DEPTOR: variants seen among roughly 807,000 people sequenced by gnomAD.
DEPTOR encodes the protein DEP domain-containing mTOR-interacting protein.
A neutral mutation model predicts 41.6 loss-of-function variants in DEPTOR; 41 were observed. The observed-to-expected ratio is 0.98, with a 90% CI of 0.77 to 1.28. The LOEUF (loss-of-function observed/expected upper bound fraction) is 1.28. Ranked by LOEUF, DEPTOR falls within the 50% of genes most tolerant of loss-of-function variation. The pLI, the probability that DEPTOR is intolerant of heterozygous loss-of-function variation, is 0.00. For synonymous variants in DEPTOR, 195 were observed against 192.3 expected (o/e 1.01, Z -0.12); for missense variants, 514 against 527.9 (o/e 0.97, Z 0.26).
At chr8:119,962,086 C>CA (rs772605916) in intron 3 of DEPTOR, among the ~76,000 whole-genome samples, 4,077 of 48,216 alleles carry the variant, frequency 0.085, 114 homozygotes, top group African/African-American at 0.12. Flanking sequence ...ACTAAAAATA[C>CA]AAAAAAAAAA....
intron 3 of DEPTOR, among the ~76,000 whole-genome samples, chr8:119,930,478 C>G (rs1828027513): frequency 2.6e-5 from 4 of 152,160 alleles, no homozygotes; most frequent in Non-Finnish European, 5.9e-5. Flanking sequence ...CTCAGGTGAT[C>G]TACCAACTTC....
intron 8 of DEPTOR, among the ~76,000 whole-genome samples, chr8:120,013,136 G>A (rs956055005): frequency 2.1e-5 from 3 of 140,906 alleles, no homozygotes; most frequent in African/African-American, 7.9e-5. Flanking sequence ...CAGCCTGGGT[G>A]ACAGAGCGAG....
intron 1 of DEPTOR, among the ~76,000 whole-genome samples, chr8:119,926,332 A>T (rs930737730): frequency 6.6e-6 from 1 of 152,154 alleles, no homozygotes; most frequent in Non-Finnish European, 1.5e-5. Flanking sequence ...TAGAAGAGGA[A>T]GCCCTAAGGA....
At chr8:120,047,517 G>A (rs1332279212) in intron 8 of DEPTOR, among the ~76,000 whole-genome samples, 3 of 151,582 alleles carry the variant, frequency 2.0e-5, no homozygotes, top group Admixed American at 6.6e-5. Context: ...ACAGGCATCC[G>A]CCACCACGCC....
At chr8:119,984,438 G>GCC (rs1828804655) in intron 4 of DEPTOR, among the ~76,000 whole-genome samples, 1 of 151,840 alleles carries the variant, frequency 6.6e-6, no homozygotes, top group Non-Finnish European at 1.5e-5. Flanking sequence ...CCACCAACAG[G>GCC]CCCCAGTGTG....
intron 1 of DEPTOR, among the ~76,000 whole-genome samples, chr8:119,902,220 A>G (rs1354471758): frequency 2.6e-5 from 4 of 152,244 alleles, no homozygotes; most frequent in Non-Finnish European, 5.9e-5. Context: ...AGATGGGTAT[A>G]CAATAGACAA....
chr8:119,930,026 G>C (rs1828021220), intron 3 of DEPTOR, 88 bp downstream of exon 3: 4 of 1,456,948 alleles, frequency 2.7e-6, no homozygotes, highest in Admixed American at 2.2e-5. Flanking sequence ...TTTCAGCGTG[G>C]CTTTTCTATG....
At chr8:120,000,804 G>A (rs1181513294) in intron 4 of DEPTOR, among the ~76,000 whole-genome samples, 5 of 151,914 alleles carry the variant, frequency 3.3e-5, no homozygotes, top group Non-Finnish European at 5.9e-5. Flanking sequence ...GGGGCTGGGT[G>A]TGGTGGCTCA....
intron 4 of DEPTOR, among the ~76,000 whole-genome samples, chr8:119,971,101 A>G (rs533564555): frequency 1.2e-4 from 18 of 152,158 alleles, no homozygotes; most frequent in Admixed American, 5.9e-4. Context: ...GCATGGTGGC[A>G]GGCGCTTTGC....
chr8:119,904,014 A>G (rs7461170), intron 1 of DEPTOR, among the ~76,000 whole-genome samples: 108,615 of 151,928 alleles, frequency 0.71, 39,328 homozygotes, highest in East Asian at 0.95. Flanking sequence ...TTGAGCCTGA[A>G]CACTCTTCCC....
intron 1 of DEPTOR, among the ~76,000 whole-genome samples, chr8:119,884,871 G>T (rs951091316): frequency 2.6e-5 from 4 of 151,882 alleles, no homozygotes; most frequent in Admixed American, 6.6e-5. Flanking sequence ...CGCTTCTAAG[G>T]TTCAAGCAAT....
chr8:119,995,137 ATCT>A (rs1390585100), intron 4 of DEPTOR, among the ~76,000 whole-genome samples: 1 of 152,134 alleles, frequency 6.6e-6, no homozygotes, highest in Non-Finnish European at 1.5e-5. Context: ...GCCATGCCAT[ATCT>A]CTTACATAAA....
intron 6 of DEPTOR, among the ~76,000 whole-genome samples, chr8:120,006,417 A>T (rs1417693761): frequency 2.6e-5 from 4 of 151,850 alleles, no homozygotes; most frequent in Non-Finnish European, 5.9e-5. Context: ...CCAGCTACTC[A>T]GGAGGCTGAG....
intron 8 of DEPTOR, among the ~76,000 whole-genome samples, chr8:120,026,591 C>T (rs561612454): frequency 6.6e-6 from 1 of 152,196 alleles, no homozygotes; most frequent in African/African-American, 2.4e-5. Flanking sequence ...GATCCACCCA[C>T]CTCAGCCTCC....
intron 3 of DEPTOR, among the ~76,000 whole-genome samples, chr8:119,944,494 G>GATTGA (rs1828243390): frequency 6.6e-6 from 1 of 151,910 alleles, no homozygotes; most frequent in South Asian, 2.1e-4. Context: ...TCAACAGGGT[G>GATTGA]ATTGAGTCTT....
chr8:119,971,607 T>C (rs944342330), intron 4 of DEPTOR, among the ~76,000 whole-genome samples: 1 of 152,170 alleles, frequency 6.6e-6, no homozygotes, highest in Non-Finnish European at 1.5e-5. Context: ...GTTTTCTTCT[T>C]TGGCAGGTCC....
chr8:119,935,013 G>T (rs1828090465), intron 3 of DEPTOR, among the ~76,000 whole-genome samples: 1 of 152,108 alleles, frequency 6.6e-6, no homozygotes, highest in Admixed American at 6.5e-5. Flanking sequence ...AAGAGTGTGT[G>T]CTTATGGATT....
chr8:120,002,791 A>AAAAATAT, intron 5 of DEPTOR, among the ~76,000 whole-genome samples, 186 bp from the exon 6 acceptor site: 1 of 60,672 alleles, frequency 1.6e-5, no homozygotes, highest in East Asian at 5.2e-4. Flanking sequence ...AAAAAAAAAA[A>AAAAATAT]ATATATATAT....
Position 119,977,078 on chromosome 8 carries a change from G to A in DEPTOR, c.604+11668G>A, listed in dbSNP as rs111731121. Among the ~76,000 whole-genome samples, 456 of 152,242 alleles carry A rather than the reference G, an allele frequency of 3.0e-3. 5 individuals are homozygous for A. The highest frequency in any genetic ancestry group is 0.011 in the African/African-American group (443 of 41,552). On this transcript the variant is annotated intron_variant, in intron 4 of 8. Coordinates refer to ENST00000286234, the MANE Select transcript of DEPTOR (RefSeq NM_022783.4). ...TGCAGGGGTGCAATCTTGGCTCACT[G>A]CAACCTCCGCCTCCCGGGTTGTAGC...
Sources: allele counts gnomAD v4.1 joint callset (sites outside exome capture counted in the v4.1 genomes callset), GRCh38; gene constraint gnomAD v4.1.1; transcripts MANE v1.5; gene names NCBI Gene and HGNC (gene_info 2026-07-23, HGNC 2026-07-21).